Variants in C10orf90 observed in about 807,000 individuals in gnomAD.
C10orf90 encodes the protein (E2-independent) E3 ubiquitin-conjugating enzyme FATS.
C10orf90 carries 56 observed loss-of-function variants against 62.5 expected under a neutral mutation model. The observed-to-expected ratio is 0.90, with a 90% CI of 0.72 to 1.12. The LOEUF is 1.12. Ranked by LOEUF, C10orf90 falls within the 50% of genes most tolerant of loss-of-function variation. The pLI is 0.00. For synonymous variants in C10orf90, 386 were observed against 340.4 expected, an observed-to-expected ratio of 1.13 and a Z score of -1.47; for missense variants, 970 against 880.4, an observed-to-expected ratio of 1.10 and a Z score of -1.29.
intron 4 of C10orf90, among the ~76,000 whole-genome samples, chr10:126,467,129 T>C (rs762884102): frequency 2.6e-4 from 39 of 152,232 alleles, no homozygotes; most frequent in Non-Finnish European, 4.6e-4. Context: ...TATTTTAATC[T>C]ATCTATCATC....
intron 2 of C10orf90, among the ~76,000 whole-genome samples, chr10:126,545,679 G>A (rs533838338): frequency 1.4e-4 from 21 of 152,186 alleles, no homozygotes; most frequent in African/African-American, 4.1e-4. Flanking sequence ...TATCCTCACC[G>A]TATAGCACTT....
intron 4 of C10orf90, among the ~76,000 whole-genome samples, chr10:126,481,786 C>G (rs916859006): frequency 3.9e-5 from 6 of 152,130 alleles, no homozygotes; most frequent in Non-Finnish European, 8.8e-5. Context: ...TTCCAAAGAC[C>G]AGCCATAAAA....
chr10:126,465,857 T>C (rs1336265594), intron 4 of C10orf90, among the ~76,000 whole-genome samples: 1 of 152,170 alleles, frequency 6.6e-6, no homozygotes, highest in African/African-American at 2.4e-5. Context: ...AGATACATTA[T>C]CTAATGAGCA....
At chr10:126,521,259 T>G in intron 2 of C10orf90, 1 of 1,605,200 alleles carries the variant, frequency 6.2e-7, no homozygotes, top group Non-Finnish European at 8.5e-7. Flanking sequence ...ACTTTATATT[T>G]TAATAAGGGT....
At chr10:126,462,817 A>C (rs1338059754) in intron 5 of C10orf90, among the ~76,000 whole-genome samples, 1 of 152,100 alleles carries the variant, frequency 6.6e-6, no homozygotes, top group Non-Finnish European at 1.5e-5. Flanking sequence ...TCTGCTCAAA[A>C]TCCACCCACA....
At chr10:126,479,130 A>G (rs529534008) in intron 4 of C10orf90, among the ~76,000 whole-genome samples, 5 of 152,226 alleles carry the variant, frequency 3.3e-5, no homozygotes, top group African/African-American at 1.2e-4. Flanking sequence ...AAAGAACATA[A>G]TTGTCCAAGG....
Position 126,488,329 on chromosome 10 carries a change from T to C in C10orf90, c.1534+15628A>G, listed in dbSNP as rs1366909544. Among the ~76,000 whole-genome samples the C allele has an allele frequency of 2.6e-5, 4 of 152,100 alleles. No individual in the cohort carries two copies. The East Asian group carries it at 7.7e-4, about 29-fold the overall frequency. The stretch of plus-strand genomic sequence containing the variant: ...TATTTATGAGTATATGCAGAAAATA[T>C]TTTGAGATGAATAAAAATGAAAACA... On this transcript the variant is annotated intron_variant, in intron 4 of 9. Transcript: ENST00000488181.
chr10:126,516,889 T>A, intron 2 of C10orf90, among the ~76,000 whole-genome samples: 1 of 152,258 alleles, frequency 6.6e-6, no homozygotes, highest in East Asian at 1.9e-4. Context: ...CAGCCCCGCA[T>A]CACTCAAACT....
intron 7 of C10orf90, among the ~76,000 whole-genome samples, chr10:126,442,067 T>G (rs1488174562): frequency 6.6e-6 from 1 of 151,998 alleles, no homozygotes; most frequent in East Asian, 1.9e-4. Flanking sequence ...ATACTAATAT[T>G]AAATGTAAAT....
chr10:126,472,612 C>A (rs1475710745), intron 4 of C10orf90, among the ~76,000 whole-genome samples: 1 of 152,132 alleles, frequency 6.6e-6, no homozygotes, highest in Non-Finnish European at 1.5e-5. Context: ...TGTCTCCTCC[C>A]ATTCTTGCTT....
intron 2 of C10orf90, among the ~76,000 whole-genome samples, chr10:126,563,138 G>T (rs149106379): frequency 6.6e-6 from 1 of 152,186 alleles, no homozygotes; most frequent in Non-Finnish European, 1.5e-5. Flanking sequence ...ACTCCAGCTG[G>T]TTGTTGTTTA....
intron 4 of C10orf90, among the ~76,000 whole-genome samples, chr10:126,490,013 TTATATATAATATATAA>T (rs1398652152): frequency 1.6e-4 from 12 of 74,322 alleles, no homozygotes; most frequent in African/African-American, 7.2e-4. Context: ...ATTATATATA[TTATATATAATATATAA>T]TATATAATAT....
intron 2 of C10orf90, among the ~76,000 whole-genome samples, chr10:126,515,978 T>G (rs1863418451): frequency 6.6e-6 from 1 of 152,176 alleles, no homozygotes; most frequent in South Asian, 2.1e-4. Context: ...GTCTTTTGGA[T>G]TCCTGCGCAG....
At chr10:126,444,141 T>A (rs2134038451) in intron 7 of C10orf90, among the ~76,000 whole-genome samples, 1 of 152,202 alleles carries the variant, frequency 6.6e-6, no homozygotes, top group African/African-American at 2.4e-5. Flanking sequence ...TCACCACTCC[T>A]CTTCAACATA....
intron 7 of C10orf90, among the ~76,000 whole-genome samples, chr10:126,445,826 T>TATATACAC (rs57867349): frequency 3.5e-5 from 5 of 144,768 alleles, no homozygotes; most frequent in African/African-American, 5.1e-5. Flanking sequence ...TATATATATA[T>TATATACAC]ACAATGGAAT....
intron 4 of C10orf90, among the ~76,000 whole-genome samples, chr10:126,493,719 C>G (rs1861885821): frequency 6.6e-6 from 1 of 152,144 alleles, no homozygotes; most frequent in Admixed American, 6.5e-5. Flanking sequence ...GAAGAAGAAA[C>G]TGATTCCATT....
chr10:126,576,619 C>T (rs369797895), intron 2 of C10orf90, among the ~76,000 whole-genome samples: 2 of 148,094 alleles, frequency 1.4e-5, no homozygotes, highest in Non-Finnish European at 1.5e-5. Flanking sequence ...CATCTGCACC[C>T]GCATGTTTGC....
In C10orf90 at chr10:126,453,924, T is replaced by G. The variant is rs1465432427; in HGVS notation, c.2188+5116A>C. Among the ~76,000 whole-genome samples, 1 of 152,084 alleles carries G rather than the reference T, an allele frequency of 6.6e-6. No homozygotes were observed. The highest frequency in any genetic ancestry group is 2.4e-5 in the African/African-American group (1 of 41,410). ...AGGAAGGACAGGAAATGAGACCAAC[T>G]GGAAAGGTTGAGAGTGGGCAGAGTC... On this transcript the variant is annotated intron_variant, in intron 7 of 9. Coordinates refer to ENST00000488181, the MANE Select transcript of C10orf90 (RefSeq NM_001350921.2). The surrounding 1 kb of genome is among the most constrained non-coding windows in gnomAD (Gnocchi z 4.9).
chr10:126,497,515 A>G (rs1003068273), intron 4 of C10orf90, among the ~76,000 whole-genome samples: 3 of 152,218 alleles, frequency 2.0e-5, no homozygotes, highest in African/African-American at 7.2e-5. Context: ...CCTGTTGCAG[A>G]AAACCATAGG....
Sources: gnomAD v4.1 joint callset for allele counts (sites outside exome capture counted in the v4.1 genomes callset) on GRCh38, gnomAD v4.1.1 for gene constraint, Gnocchi (gnomAD v3.1) non-coding constraint, MANE v1.5 for transcripts, NCBI Gene and HGNC (gene_info 2026-07-23, HGNC 2026-07-21) for gene names.